Variants in CADPS2 observed in about 807,000 individuals in gnomAD.
The protein encoded by CADPS2 is calcium-dependent secretion activator 2.
CADPS2 carries 93 observed loss-of-function variants against 172.5 expected under a neutral mutation model. That is an observed-to-expected ratio of 0.54 (90% CI 0.46 to 0.64). The LOEUF is 0.64. Ranked by LOEUF, CADPS2 falls within the 30% of genes least tolerant of loss-of-function variation. CADPS2 has a pLI of 0.00. For missense variants in CADPS2, 1,420 were observed against 1,565.9 expected (o/e 0.91, Z 1.57); for synonymous variants, 546 against 555.2 (o/e 0.98, Z 0.23).
chr7:122,611,487 A>G (rs1414666390), intron 6 of CADPS2, among the ~76,000 whole-genome samples: 1 of 152,064 alleles, frequency 6.6e-6, no homozygotes, highest in Non-Finnish European at 1.5e-5. Flanking sequence ...TTTAATGGCA[A>G]AAAACACAAT....
At chr7:122,463,141 A>C (rs769808006) in intron 14 of CADPS2, among the ~76,000 whole-genome samples, 1 of 151,548 alleles carries the variant, frequency 6.6e-6, no homozygotes, top group Non-Finnish European at 1.5e-5. Context: ...CTGCCTAAAG[A>C]ATACATATAT....
At position 122,804,488 on chromosome 7, in the gene CADPS2, A is replaced by G. The variant is rs554915825; in HGVS notation, c.340-67420T>C. On this transcript the variant is annotated intron_variant, in intron 1 of 29. Transcript: ENST00000449022. Reference sequence around the variant, plus strand: ...GAATCACTGACAGTTTGGTTTAAAGACAGAAGATCATTTAATTTATTGTTT... The same window carrying G: ...GAATCACTGACAGTTTGGTTTAAAGGCAGAAGATCATTTAATTTATTGTTT... Among the ~76,000 whole-genome samples the G allele has an allele frequency of 8.5e-5, 13 of 152,348 alleles. No homozygotes were observed. The South Asian group carries it at 2.7e-3, about 32-fold the overall frequency.
chr7:122,383,907 G>C (rs574762812), intron 24 of CADPS2, among the ~76,000 whole-genome samples: 7 of 152,230 alleles, frequency 4.6e-5, no homozygotes, highest in Admixed American at 3.3e-4. Flanking sequence ...AGGGCCCCTT[G>C]CTCCCCCGAA....
intron 6 of CADPS2, among the ~76,000 whole-genome samples, chr7:122,593,516 G>T (rs2071242069): frequency 6.6e-6 from 1 of 151,950 alleles, no homozygotes; most frequent in Non-Finnish European, 1.5e-5. Flanking sequence ...TACATTTGAG[G>T]CATCAATGAA....
intron 2 of CADPS2, among the ~76,000 whole-genome samples, chr7:122,696,536 C>G (rs1564089642): frequency 6.6e-6 from 1 of 152,070 alleles, no homozygotes; most frequent in Non-Finnish European, 1.5e-5. Flanking sequence ...TAGCTAACTA[C>G]TGCCCTTCTA....
At chr7:122,445,215 A>G (rs1470846207) in intron 15 of CADPS2, among the ~76,000 whole-genome samples, 1 of 152,162 alleles carries the variant, frequency 6.6e-6, no homozygotes, top group African/African-American at 2.4e-5. Context: ...TGTAAATTCT[A>G]TTATCAGGTT....
At chr7:122,526,348 T>A (rs757228749) in intron 8 of CADPS2, among the ~76,000 whole-genome samples, 17 of 151,948 alleles carry the variant, frequency 1.1e-4, no homozygotes, top group Non-Finnish European at 1.8e-4. Context: ...TGCACCACCA[T>A]GCCCAGCTAA....
At chr7:122,429,664 AC>A (rs2049621998) in intron 17 of CADPS2, among the ~76,000 whole-genome samples, 1 of 152,154 alleles carries the variant, frequency 6.6e-6, no homozygotes, top group Non-Finnish European at 1.5e-5. Flanking sequence ...GATACAAATT[AC>A]TTTTTGCCAT....
chr7:122,512,021 C>T (rs906307715), intron 9 of CADPS2, among the ~76,000 whole-genome samples: 7 of 151,732 alleles, frequency 4.6e-5, no homozygotes, highest in African/African-American at 7.3e-5. Flanking sequence ...TGTGTGTGCA[C>T]GTGTATGTAT....
chr7:122,408,103 A>T (rs897772089), intron 19 of CADPS2, among the ~76,000 whole-genome samples: 1 of 151,420 alleles, frequency 6.6e-6, no homozygotes, highest in Non-Finnish European at 1.5e-5. Flanking sequence ...AACATTTGGT[A>T]TTACACTTTA....
intron 1 of CADPS2, among the ~76,000 whole-genome samples, chr7:122,751,227 C>G (rs776515639): frequency 6.6e-6 from 1 of 152,086 alleles, no homozygotes; most frequent in Non-Finnish European, 1.5e-5. Context: ...GTTCCTCGAG[C>G]CTTGGATTCC....
At chr7:122,646,800 G>C (rs1020936299) in intron 3 of CADPS2, among the ~76,000 whole-genome samples, 8 of 152,210 alleles carry the variant, frequency 5.3e-5, no homozygotes, top group African/African-American at 1.9e-4. Context: ...AAAAACAAAA[G>C]TATGTAGGAT....
intron 1 of CADPS2, among the ~76,000 whole-genome samples, chr7:122,827,632 CA>C (rs34472895): frequency 4.9e-4 from 67 of 137,148 alleles, no homozygotes; most frequent in Middle Eastern, 3.9e-3. Context: ...AATTCCATCT[CA>C]AAAAAAAAAA....
At chr7:122,715,703 T>C (rs1176547811) in intron 2 of CADPS2, among the ~76,000 whole-genome samples, 7 of 148,594 alleles carry the variant, frequency 4.7e-5, no homozygotes, top group African/African-American at 1.5e-4. Context: ...ACACAACGCA[T>C]TGCAAAGAAA....
chr7:122,617,552 G>A (rs1428546666), intron 5 of CADPS2, among the ~76,000 whole-genome samples: 1 of 152,122 alleles, frequency 6.6e-6, no homozygotes, highest in Non-Finnish European at 1.5e-5. Flanking sequence ...AAGAAGAGAG[G>A]CATGTATAAA....
chr7:122,393,665 C>A, intron 20 of CADPS2, 83 bp from the exon 21 acceptor site: 1 of 1,385,678 alleles, frequency 7.2e-7, no homozygotes, highest in South Asian at 1.2e-5. Context: ...AACACGTTTT[C>A]TGAGAGAGTC....
chr7:122,837,005 C>A (rs1322326436), intron 1 of CADPS2, among the ~76,000 whole-genome samples: 2 of 152,244 alleles, frequency 1.3e-5, no homozygotes, highest in East Asian at 3.9e-4. Context: ...TTGCTTATTC[C>A]AAAATTGACC....
At chr7:122,453,980 C>T (rs141678992) in intron 14 of CADPS2, among the ~76,000 whole-genome samples, 16 of 152,290 alleles carry the variant, frequency 1.1e-4, no homozygotes, top group African/African-American at 3.1e-4. Flanking sequence ...CTTGCCTTTA[C>T]ACATCCTTAT....
intron 17 of CADPS2, among the ~76,000 whole-genome samples, chr7:122,429,272 C>A (rs1270279599): frequency 6.7e-6 from 1 of 149,288 alleles, no homozygotes; most frequent in Non-Finnish European, 1.5e-5. Flanking sequence ...ACACACACAG[C>A]TTTTTTTTAA....
Sources: gnomAD v4.1 joint callset for allele counts (sites outside exome capture counted in the v4.1 genomes callset) on GRCh38, gnomAD v4.1.1 for gene constraint, MANE v1.5 for transcripts, NCBI Gene and HGNC (gene_info 2026-07-23, HGNC 2026-07-21) for gene names.